MALRD1: variants seen among roughly 807,000 people sequenced by gnomAD.
The protein encoded by MALRD1 is MAM and LDL-receptor class A domain-containing protein 1.
A neutral mutation model predicts 242.1 loss-of-function variants in MALRD1; 247 were observed. The observed-to-expected ratio is 1.02, with a 90% CI of 0.92 to 1.13. The LOEUF (loss-of-function observed/expected upper bound fraction) is 1.13, where lower values mean the gene tolerates loss of function less well. Ranked by LOEUF, MALRD1 falls within the 50% of genes most tolerant of loss-of-function variation. MALRD1 has a pLI of 0.00. For synonymous variants in MALRD1, 995 were observed against 866.6 expected (o/e 1.15, Z -2.60); for missense variants, 2,989 against 2,533.1 (o/e 1.18, Z -3.86).
chr10:19,064,705 G>A (rs982016374), intron 1 of MALRD1, among the ~76,000 whole-genome samples: 6 of 150,740 alleles, frequency 4.0e-5, no homozygotes, highest in African/African-American at 1.5e-4. Context: ...AGGAGGTGGA[G>A]GCTGTGGCAA....
At chr10:19,154,637 A>G (rs1054302641) in intron 11 of MALRD1, among the ~76,000 whole-genome samples, 1 of 152,232 alleles carries the variant, frequency 6.6e-6, no homozygotes, top group Non-Finnish European at 1.5e-5. Flanking sequence ...AGCACAGACA[A>G]CAATGTCAAA....
At chr10:19,217,341 G>A (rs561432048) in intron 18 of MALRD1, among the ~76,000 whole-genome samples, 4 of 151,826 alleles carry the variant, frequency 2.6e-5, no homozygotes, top group South Asian at 2.1e-4. Flanking sequence ...TTTGTACTTG[G>A]GAAGACTTCT....
chr10:19,660,984 A>G (rs895815565), intron 36 of MALRD1, among the ~76,000 whole-genome samples: 10 of 152,202 alleles, frequency 6.6e-5, no homozygotes, highest in African/African-American at 2.4e-4. Context: ...GGATATGAAC[A>G]GACACTTCTT....
At position 19,280,242 on chromosome 10, in the gene MALRD1, T is replaced by C; in HGVS notation, c.3256+19T>C. On this transcript the variant is annotated intron_variant, in intron 20 of 39. Transcript: ENST00000454679. ...TCCTGTGGTAGGTGGATTCTTAAAA[T>C]TTGTTTAAATACTGCTACAAAATAG... is the stretch of plus-strand genomic sequence containing the variant. The C allele has an allele frequency of 6.8e-7, 1 of 1,463,200 alleles. No homozygotes were observed. The highest frequency in any genetic ancestry group is 9.0e-7 in the Non-Finnish European group (1 of 1,107,240). 90.6% of individuals were successfully genotyped at this position (1,463,200 alleles called of 1,614,324 possible).
chr10:19,512,959 C>A (rs868856532), intron 31 of MALRD1, among the ~76,000 whole-genome samples: 3 of 152,096 alleles, frequency 2.0e-5, no homozygotes, highest in South Asian at 4.1e-4. Flanking sequence ...CAATTAACAT[C>A]GAATTTACTT....
chr10:19,661,429 T>C (rs1350161012), intron 36 of MALRD1, among the ~76,000 whole-genome samples: 1 of 152,146 alleles, frequency 6.6e-6, no homozygotes, highest in East Asian at 1.9e-4. Context: ...ATGTGGCACA[T>C]ATACACCGTG....
At chr10:19,161,449 C>T (rs1293238994) in intron 12 of MALRD1, among the ~76,000 whole-genome samples, 7 of 126,804 alleles carry the variant, frequency 5.5e-5, no homozygotes, top group Non-Finnish European at 1.0e-4. Flanking sequence ...CACATGTATA[C>T]ATATGTAACT....
intron 36 of MALRD1, among the ~76,000 whole-genome samples, chr10:19,645,593 C>G (rs1416261578): frequency 1.3e-5 from 2 of 152,104 alleles, no homozygotes; most frequent in African/African-American, 4.8e-5. Context: ...ATGGGTGAAG[C>G]TGGAAACCAT....
At chr10:19,478,615 C>T (rs998793191) in intron 29 of MALRD1, among the ~76,000 whole-genome samples, 1 of 152,028 alleles carries the variant, frequency 6.6e-6, no homozygotes, top group Admixed American at 6.5e-5. Context: ...ATATCTCGTA[C>T]TAAGTTCACC....
In MALRD1 at chr10:19,124,657, A is replaced by T. The variant is rs1057294922; in HGVS notation, c.930A>T (p.Gly310=). ...AATCCACACCTCAGCAGGATCAAGG[A>T]GGTGATGATGAAGGTAGAAAAAAAA... ...AFESTPQQDQ[G]GDDEGYYVWV... Residue 310 remains glycine, a synonymous_variant, in exon 7 of 40, where the codon GGA becomes GGT. Coordinates refer to ENST00000454679, the MANE Select transcript of MALRD1 (RefSeq NM_001142308.3). The T allele has an allele frequency of 8.1e-7, 1 of 1,233,626 alleles. No homozygotes were observed. Among genetic ancestry groups the T allele is most frequent in the African/African-American group, 1.6e-5 (1 of 64,438 alleles). The allele number at this position is 1,233,626 out of a possible 1,614,324, so 76.4% of individuals were successfully genotyped here. A position where few individuals can be genotyped will look rare whatever the true frequency, so the allele number is the denominator to read the frequency against.
intron 18 of MALRD1, among the ~76,000 whole-genome samples, chr10:19,234,102 C>T (rs1326305346): frequency 6.6e-6 from 1 of 151,806 alleles, no homozygotes; most frequent in African/African-American, 2.4e-5. Context: ...TACCTGGATT[C>T]TAAAATTTAA....
At chr10:19,164,683 A>C (rs1057065036) in intron 12 of MALRD1, among the ~76,000 whole-genome samples, 1 of 152,204 alleles carries the variant, frequency 6.6e-6, no homozygotes, top group Non-Finnish European at 1.5e-5. Flanking sequence ...TTTTTGCCTC[A>C]TACAGCTCCA....
At chr10:19,491,036 A>G (rs1837471799) in intron 29 of MALRD1, 1 of 200,806 alleles carries the variant, frequency 5.0e-6, no homozygotes, top group Non-Finnish European at 1.1e-5. Context: ...TTTAACCAAT[A>G]AAGTTAACAT....
chr10:19,672,704 G>C (rs377370054), intron 36 of MALRD1, among the ~76,000 whole-genome samples: 2 of 152,218 alleles, frequency 1.3e-5, no homozygotes, highest in East Asian at 3.9e-4. Flanking sequence ...GATTACAGGT[G>C]TGAGCCACTG....
Position 19,515,854 on chromosome 10 carries a change from C to A in MALRD1, c.5321-15340C>A, listed in dbSNP as rs1031922149. On this transcript the variant is annotated intron_variant, in intron 31 of 39. Coordinates refer to ENST00000454679, the MANE Select transcript of MALRD1 (RefSeq NM_001142308.3). ...AAGAGCTCGGATTACAGGCGTGAGC[C>A]ACCGTGCATGGCCAACTTTCTCTTC... Among the ~76,000 whole-genome samples, 5 of 152,284 alleles carry A rather than the reference C, an allele frequency of 3.3e-5. No individual in the cohort carries two copies. In the South Asian group the frequency reaches 6.2e-4, roughly 19 times the overall value.
chr10:19,228,505 A>T (rs1837895483), intron 18 of MALRD1, among the ~76,000 whole-genome samples: 1 of 152,222 alleles, frequency 6.6e-6, no homozygotes, highest in African/African-American at 2.4e-5. Flanking sequence ...AACCCATTAA[A>T]TTGCACATTT....
At chr10:19,157,281 T>TC (rs1188565805) in intron 12 of MALRD1, among the ~76,000 whole-genome samples, 2 of 150,802 alleles carry the variant, frequency 1.3e-5, no homozygotes, top group African/African-American at 2.4e-5. Flanking sequence ...CCTTTTTTTT[T>TC]TTTTTTCCTG....
intron 5 of MALRD1, among the ~76,000 whole-genome samples, chr10:19,114,822 A>C (rs1271320437): frequency 1.3e-5 from 2 of 152,182 alleles, no homozygotes; most frequent in African/African-American, 4.8e-5. Flanking sequence ...TCAAAATGTC[A>C]GCAGGATTGA....
chr10:19,575,457 A>G (rs1370717734), intron 33 of MALRD1, among the ~76,000 whole-genome samples: 1 of 150,936 alleles, frequency 6.6e-6, no homozygotes, highest in Non-Finnish European at 1.5e-5. Flanking sequence ...CCAGCTAGAC[A>G]GTGGAATGAA....
Sources: gnomAD v4.1 joint callset for allele counts (sites outside exome capture counted in the v4.1 genomes callset) on GRCh38, gnomAD v4.1.1 for gene constraint, MANE v1.5 for transcripts, NCBI Gene and HGNC (gene_info 2026-07-23, HGNC 2026-07-21) for gene names.